SLC39A10: variants seen among roughly 807,000 people sequenced by gnomAD.
The protein encoded by SLC39A10 is zinc transporter ZIP10.
In SLC39A10, 13 loss-of-function variants were observed where a neutral mutation model predicts 65.1. The observed-to-expected ratio is 0.20, with a 90% CI of 0.13 to 0.32. The LOEUF (loss-of-function observed/expected upper bound fraction) is 0.32, where lower values mean the gene tolerates loss of function less well. Ranked by LOEUF, SLC39A10 falls within the 10% of genes least tolerant of loss-of-function variation. SLC39A10 has a pLI of 1.00. For synonymous variants in SLC39A10, 321 were observed against 342.2 expected (o/e 0.94, Z 0.68); for missense variants, 831 against 1,018.4 (o/e 0.82, Z 2.50).
At chr2:195,709,255 A>G (rs949239064) in intron 5 of SLC39A10, among the ~76,000 whole-genome samples, 2 of 151,686 alleles carry the variant, frequency 1.3e-5, no homozygotes, top group African/African-American at 4.9e-5. Flanking sequence ...ATTTTGAGAC[A>G]GATTCTCGCT....
chr2:195,716,804 C>T lies in SLC39A10; in HGVS notation c.1864C>T (p.His622Tyr), dbSNP rs746645359. The change falls in exon 7 of 10, where the codon CAT (histidine) becomes TAT (tyrosine). Residue 622 changes from histidine (H) to tyrosine (Y), a missense_variant. Transcript: ENST00000359634. ...ACATACCATTCATGAGCATGATCTC[C>T]ATGCTGCTGCACATAACCACCACGG... ...GLHTIHEHDLHAAAHNHHGEN... is the reference protein window; with the variant it reads ...GLHTIHEHDLYAAAHNHHGEN... The T allele has an allele frequency of 3.7e-6, 6 of 1,614,050 alleles. No individual in the cohort carries two copies. The East Asian group carries it at 6.7e-5, about 18-fold the overall frequency.
upstream of SLC39A10, among the ~76,000 whole-genome samples, chr2:195,652,412 G>A (rs1157563655): frequency 6.6e-6 from 1 of 151,962 alleles, no homozygotes; most frequent in Non-Finnish European, 1.5e-5. Flanking sequence ...AGCTGGGCGT[G>A]GTGGTAGGTG....
intron 3 of SLC39A10, among the ~76,000 whole-genome samples, chr2:195,690,075 G>A (rs1024196291): frequency 1.4e-5 from 2 of 142,648 alleles, no homozygotes; most frequent in Non-Finnish European, 3.0e-5. Context: ...TACTTGGGAC[G>A]TTGAGGCAGG....
intron 8 of SLC39A10, among the ~76,000 whole-genome samples, chr2:195,726,510 T>A (rs1019779195): frequency 2.6e-5 from 4 of 152,056 alleles, no homozygotes. Context: ...AAGCTGATAT[T>A]AAATCCGGGT....
intron 7 of SLC39A10, 196 bp downstream of exon 7, chr2:195,717,201 G>A (rs777977281): frequency 1.2e-4 from 67 of 562,574 alleles, no homozygotes; most frequent in African/African-American, 2.5e-4. Context: ...TTTAGAACAC[G>A]TAAACAAATG....
intron 5 of SLC39A10, among the ~76,000 whole-genome samples, chr2:195,709,934 CAA>C (rs1691551537): frequency 6.6e-6 from 1 of 152,054 alleles, no homozygotes; most frequent in Non-Finnish European, 1.5e-5. Flanking sequence ...TGTTTTCACA[CAA>C]AAAGTGTTTT....
chr2:195,616,037 A>G (rs1688200218), intron 2 of SLC39A10, among the ~76,000 whole-genome samples: 1 of 151,868 alleles, frequency 6.6e-6, no homozygotes, highest in African/African-American at 2.4e-5. Context: ...CTCACTGCAA[A>G]CTCCACGGCC....
chr2:195,726,076 A>G (rs1233256905), intron 8 of SLC39A10, among the ~76,000 whole-genome samples: 1 of 152,190 alleles, frequency 6.6e-6, no homozygotes, highest in East Asian at 1.9e-4. Flanking sequence ...TAGTTGTGTA[A>G]TTATACCACA....
intron 1 of SLC39A10, chr2:195,657,564 C>G (rs1689200171): frequency 1.0e-6 from 1 of 983,810 alleles, no homozygotes; most frequent in East Asian, 1.1e-4. Context: ...CCGGCGGCAT[C>G]CACTTCGCGT....
intron 8 of SLC39A10, among the ~76,000 whole-genome samples, chr2:195,719,696 C>T (rs1377055790): frequency 4.6e-5 from 7 of 151,684 alleles, no homozygotes; most frequent in African/African-American, 1.5e-4. Flanking sequence ...TGACTCACTT[C>T]AGCCTCTGTC....
At chr2:195,619,799 G>A (rs1688312252) in intron 2 of SLC39A10, among the ~76,000 whole-genome samples, 3 of 152,178 alleles carry the variant, frequency 2.0e-5, no homozygotes, top group Admixed American at 1.3e-4. Context: ...GCATGAGGTG[G>A]TCTTAGAATA....
At chr2:195,687,741 C>T (rs369365243) in intron 3 of SLC39A10, among the ~76,000 whole-genome samples, 16 of 152,188 alleles carry the variant, frequency 1.1e-4, no homozygotes, top group East Asian at 3.8e-4. Flanking sequence ...ACAGCTACTA[C>T]CTCATTAACT....
At chr2:195,619,012 G>A in intron 2 of SLC39A10, among the ~76,000 whole-genome samples, 1 of 143,814 alleles carries the variant, frequency 7.0e-6, no homozygotes. Context: ...AGAATCGCTT[G>A]AACCCAGGAG....
chr2:195,734,150 C>CT (rs1169822973), intron 9 of SLC39A10, among the ~76,000 whole-genome samples: 132 of 98,640 alleles, frequency 1.3e-3, no homozygotes, highest in African/African-American at 4.4e-3. Context: ...AAGAATCTTC[C>CT]TTTTTTTTTA....
chr2:195,665,077 G>A (rs1464740570), intron 1 of SLC39A10, among the ~76,000 whole-genome samples: 2 of 152,014 alleles, frequency 1.3e-5, no homozygotes, highest in South Asian at 2.1e-4. Context: ...TAATCCCAGC[G>A]CTTTGGGAGG....
chr2:195,718,445 A>G (rs1398299602), intron 8 of SLC39A10, 113 bp downstream of exon 8: 3 of 658,916 alleles, frequency 4.6e-6, no homozygotes, highest in Non-Finnish European at 8.0e-6. Flanking sequence ...GATGGCAACT[A>G]TAGTGTCACT....
At chr2:195,638,952 G>GTTTTTTT (rs35269104) in intron 2 of SLC39A10, among the ~76,000 whole-genome samples, 7 of 146,744 alleles carry the variant, frequency 4.8e-5, no homozygotes, top group Non-Finnish European at 4.5e-5. Context: ...GACCTTGGCA[G>GTTTTTTT]TTTTTTTTTT....
chr2:195,723,645 G>C (rs1303505127), intron 8 of SLC39A10, among the ~76,000 whole-genome samples: 3 of 152,052 alleles, frequency 2.0e-5, no homozygotes, highest in Non-Finnish European at 4.4e-5. Context: ...GGATATGAGT[G>C]GGTCACCTTC....
At position 195,680,904 on chromosome 2, in the gene SLC39A10, C is replaced by A; in HGVS notation, c.862C>A (p.His288Asn). 1 of 1,614,038 alleles carries A rather than the reference C, an allele frequency of 6.2e-7. No individual in the cohort carries two copies. The highest frequency in any genetic ancestry group is 1.1e-5 in the South Asian group (1 of 91,052). Reference protein sequence around the residue: ...SHVHLPERNGHDPGRGHQDLD... With the variant: ...SHVHLPERNGNDPGRGHQDLD... Reference sequence around the variant, plus strand: ...TGTACATCTTCCAGAACGTAATGGTCATGATCCTGGTCGTGGACACCAAGA... The same window carrying A: ...TGTACATCTTCCAGAACGTAATGGTAATGATCCTGGTCGTGGACACCAAGA... Residue 288 changes from histidine (H) to asparagine (N), a missense_variant, in exon 2 of 10, where the codon CAT (histidine) becomes AAT (asparagine). By Grantham distance (68) the His-to-Asn change is moderately conservative (BLOSUM62 1). Transcript: ENST00000359634.
Sources: allele counts gnomAD v4.1 joint callset (sites outside exome capture counted in the v4.1 genomes callset), GRCh38; gene constraint gnomAD v4.1.1; transcripts MANE v1.5; gene names NCBI Gene and HGNC (gene_info 2026-07-23, HGNC 2026-07-21).